The following GPC6 variants were observed in gnomAD, a reference collection of about 807,000 sequenced individuals.
GPC6 encodes the protein glypican-6.
GPC6 carries 14 observed loss-of-function variants against 55.2 expected under a neutral mutation model. The observed-to-expected ratio is 0.25, with a 90% confidence interval of 0.17 to 0.40. The LOEUF is 0.40. Ranked by LOEUF, GPC6 falls within the 10% of genes least tolerant of loss-of-function variation. The pLI is 1.00. For synonymous variants in GPC6, 278 were observed against 259.6 expected, an observed-to-expected ratio of 1.07 and a Z score of -0.68; for missense variants, 641 against 708.5, an observed-to-expected ratio of 0.90 and a Z score of 1.08.
At chr13:93,944,209 TA>T (rs1201591629) in intron 3 of GPC6, among the ~76,000 whole-genome samples, 27 of 98,920 alleles carry the variant, frequency 2.7e-4, no homozygotes, top group Admixed American at 8.7e-4. Context: ...TTTATTTATT[TA>T]TTTATTTTTT....
intron 4 of GPC6, among the ~76,000 whole-genome samples, chr13:94,285,212 T>G (rs887336219): frequency 6.6e-6 from 1 of 152,206 alleles, no homozygotes; most frequent in African/African-American, 2.4e-5. Flanking sequence ...ACCGGTAGTT[T>G]GGGCAAATGG....
Position 94,219,185 on chromosome 13 carries a change from A to G in GPC6, c.878-67164A>G, listed in dbSNP as rs570138211. Among the ~76,000 whole-genome samples the G allele has an allele frequency of 7.2e-5, 11 of 152,272 alleles. No individual in the cohort carries two copies. The South Asian group carries it at 1.9e-3, about 26-fold the overall frequency. ...GACTGCTTTTCAAGCAGAGATATAG[A>G]TATTATACTGAGAGTAAAAGCTCAG... On this transcript the variant is annotated intron_variant, in intron 4 of 8. Transcript: ENST00000377047.
chr13:94,308,710 G>A (rs558272286), intron 6 of GPC6, among the ~76,000 whole-genome samples: 13 of 152,290 alleles, frequency 8.5e-5, no homozygotes, highest in African/African-American at 2.9e-4. Flanking sequence ...CAAATGGTAA[G>A]AATTAGTGAC....
rs576007235 is a variant in GPC6 at position 93,801,410 on chromosome 13, G to A, written c.320-28744G>A. 2.0e-5 allele frequency among the ~76,000 whole-genome samples: 3 copies of A among 152,278 alleles called. No homozygotes were observed. The East Asian group carries it at 5.8e-4, about 29-fold the overall frequency. On this transcript the variant is annotated intron_variant, in intron 2 of 8. Transcript: ENST00000377047. ...GACAGTGGTGATAGGGAGTGGGTTTGATTCTTCCTCAGTGCTTTTCAATGT... is the reference window on the plus strand; with the variant it reads ...GACAGTGGTGATAGGGAGTGGGTTTAATTCTTCCTCAGTGCTTTTCAATGT...
At chr13:94,058,516 G>C (rs1377062293) in intron 4 of GPC6, among the ~76,000 whole-genome samples, 6 of 152,158 alleles carry the variant, frequency 3.9e-5, no homozygotes. Context: ...ATTAAGACAA[G>C]TCCCACACCA....
At chr13:94,190,077 A>G (rs570093070) in intron 4 of GPC6, among the ~76,000 whole-genome samples, 3 of 151,600 alleles carry the variant, frequency 2.0e-5, no homozygotes, top group African/African-American at 7.3e-5. Context: ...TAATCCCAAC[A>G]CTTTGGGAGG....
At chr13:93,324,644 G>T (rs898403941) in intron 1 of GPC6, among the ~76,000 whole-genome samples, 9 of 139,128 alleles carry the variant, frequency 6.5e-5, no homozygotes, top group African/African-American at 2.3e-4. Flanking sequence ...AACAAAATAT[G>T]TACTACTATG....
chr13:93,793,956 G>A (rs1274751331), intron 2 of GPC6, among the ~76,000 whole-genome samples: 4 of 152,122 alleles, frequency 2.6e-5, no homozygotes, highest in Non-Finnish European at 5.9e-5. Context: ...GTCTATTAAT[G>A]TTTTTGTCTC....
At chr13:93,382,434 T>A (rs1305534441) in intron 1 of GPC6, among the ~76,000 whole-genome samples, 6 of 152,188 alleles carry the variant, frequency 3.9e-5, no homozygotes, top group South Asian at 2.1e-4. Context: ...TTCATCATAG[T>A]TAATGTAGAC....
chr13:93,962,366 T>A (rs1417259336), intron 3 of GPC6, among the ~76,000 whole-genome samples: 3 of 152,146 alleles, frequency 2.0e-5, no homozygotes, highest in Admixed American at 6.5e-5. Flanking sequence ...AAGAGAGATG[T>A]TGTGAAAGTT....
chr13:93,468,312 T>A (rs1878987166), intron 1 of GPC6, among the ~76,000 whole-genome samples: 1 of 152,140 alleles, frequency 6.6e-6, no homozygotes, highest in Non-Finnish European at 1.5e-5. Context: ...TTTAATGAAG[T>A]TTATGCCTTA....
intron 6 of GPC6, among the ~76,000 whole-genome samples, chr13:94,345,206 A>G (rs1878228411): frequency 6.6e-6 from 1 of 152,174 alleles, no homozygotes; most frequent in African/African-American, 2.4e-5. Context: ...GTCAGACTAT[A>G]ATGTCTCAGA....
chr13:93,373,783 C>T (rs1414140826), intron 1 of GPC6, among the ~76,000 whole-genome samples: 1 of 152,016 alleles, frequency 6.6e-6, no homozygotes, highest in East Asian at 1.9e-4. Context: ...AATCTGAGGT[C>T]AGTTTTATGT....
intron 4 of GPC6, among the ~76,000 whole-genome samples, chr13:94,097,392 A>T (rs1402705769): frequency 2.0e-5 from 3 of 151,730 alleles, no homozygotes; most frequent in East Asian, 3.9e-4. Context: ...CTGTAATCCC[A>T]GCTACCGAGG....
At chr13:93,589,932 C>T (rs912038484) in intron 2 of GPC6, among the ~76,000 whole-genome samples, 25 of 152,290 alleles carry the variant, frequency 1.6e-4, no homozygotes, top group African/African-American at 5.8e-4. Flanking sequence ...TTATACATAG[C>T]ATTTGCAGTA....
At chr13:94,288,802 T>TA (rs60010353) in intron 5 of GPC6, among the ~76,000 whole-genome samples, 5 of 91,758 alleles carry the variant, frequency 5.4e-5, no homozygotes, top group Non-Finnish European at 7.8e-5. Context: ...AATATATATA[T>TA]TTGTTATATA....
At position 94,403,566 on chromosome 13, in the gene GPC6, A is replaced by G. The variant is rs201628989; in HGVS notation, c.*349A>G. 5 of 290,356 alleles carry G rather than the reference A, an allele frequency of 1.7e-5. No individual in the cohort carries two copies. The East Asian group carries it at 4.1e-4, about 24-fold the overall frequency. The allele number at this position is 290,356 out of a possible 1,614,324, so 18.0% of individuals were successfully genotyped here. On this transcript the variant is annotated 3_prime_UTR_variant, in exon 9 of 9. Transcript: ENST00000377047. ...GTTTTTTTTTTCTCATTTAAAATAA[A>G]AAAGGAAGAAAGAAAATAATTTTCC...
At chr13:93,408,029 A>G (rs535130094) in intron 1 of GPC6, among the ~76,000 whole-genome samples, 1 of 152,256 alleles carries the variant, frequency 6.6e-6, no homozygotes, top group South Asian at 2.1e-4. Context: ...TTTTTTCATA[A>G]GCTACAATAC....
intron 2 of GPC6, among the ~76,000 whole-genome samples, chr13:93,708,573 T>C (rs1479163030): frequency 6.6e-6 from 1 of 151,840 alleles, no homozygotes; most frequent in African/African-American, 2.4e-5. Context: ...TTAAGTGACA[T>C]TAAATTATTC....
Sources: gnomAD v4.1 joint callset for allele counts (sites outside exome capture counted in the v4.1 genomes callset) on GRCh38, gnomAD v4.1.1 for gene constraint, MANE v1.5 for transcripts, NCBI Gene and HGNC (gene_info 2026-07-23, HGNC 2026-07-21) for gene names.